Variants in CABIN1 observed in about 807,000 individuals in gnomAD.
CABIN1 encodes calcineurin-binding protein cabin-1.
In CABIN1, 133 loss-of-function variants were observed where a neutral mutation model predicts 227.7. The observed-to-expected ratio is 0.58, with a 90% CI of 0.51 to 0.67. The LOEUF (loss-of-function observed/expected upper bound fraction) is 0.67, where lower values mean the gene tolerates loss of function less well. CABIN1 is among the 30% of genes least tolerant of loss of function. CABIN1 has a pLI of 0.00. For synonymous variants in CABIN1, 1,086 were observed against 1,155.1 expected (o/e 0.94, Z 1.21); for missense variants, 2,408 against 2,852.5 (o/e 0.84, Z 3.55).
rs1398696136 is a variant in CABIN1 at position 24,164,365 on chromosome 22, A to G, written c.4747-35A>G. On this transcript the variant is annotated intron_variant, in intron 29 of 36. Coordinates refer to ENST00000263119, the MANE Select transcript of CABIN1 (RefSeq NM_012295.4). The stretch of plus-strand genomic sequence containing the variant: ...TGTCCCCGAGGCTCCTGCCACAACC[A>G]CCCCCCTCACACACCTGTGCCATCC... 4.4e-6 allele frequency: 7 copies of G among 1,598,744 alleles called. No individual in the cohort carries two copies. The Admixed American group carries it at 5.0e-5, about 11-fold the overall frequency.
chr22:24,071,031 A>T lies in CABIN1; in HGVS notation c.2464A>T (p.Asn822Tyr), dbSNP rs2040048907. The T allele has an allele frequency of 6.2e-7, 1 of 1,614,076 alleles. No individual in the cohort carries two copies. Among genetic ancestry groups the T allele is most frequent in the Non-Finnish European group, 8.5e-7 (1 of 1,180,042 alleles). ...CACTGGCCTTGTGCGGCTCACCAAC[A>T]ACCTCATCCAGGTAACCCCTGGCTC... ...STTGLVRLTN[N>Y]LIQVIDCSMA... The change falls in exon 17 of 37, where the codon AAC becomes TAC. Residue 822 changes from asparagine (N) to tyrosine (Y), a missense_variant. By Grantham distance (143) the Asn-to-Tyr change is moderately radical. This residue lies in a region of CABIN1 where 1,045 missense variants were observed against 1,168.4 expected (regional missense o/e 0.89). Transcript: ENST00000263119.
In CABIN1 at chr22:24,067,195, G is replaced by T. The variant is rs200467149; in HGVS notation, c.2232+14G>T. 6.2e-7 allele frequency: 1 copy of T among 1,613,942 alleles called. No individual in the cohort carries two copies. The highest frequency in any genetic ancestry group is 8.5e-7 in the Non-Finnish European group (1 of 1,179,784). On this transcript the variant is annotated intron_variant, in intron 16 of 36. Coordinates refer to ENST00000263119, the MANE Select transcript of CABIN1 (RefSeq NM_012295.4). ...CTTCTTCTGCAGGTGTGTGCTGCCAGTGTCCCTCACACCCACTTGCACCTT... is the reference window on the plus strand; with the variant it reads ...CTTCTTCTGCAGGTGTGTGCTGCCATTGTCCCTCACACCCACTTGCACCTT...
intron 24 of CABIN1, among the ~76,000 whole-genome samples, chr22:24,092,785 T>C (rs905556048): frequency 6.6e-6 from 1 of 151,532 alleles, no homozygotes; most frequent in African/African-American, 2.4e-5. Context: ...CCCTAGTGAT[T>C]CCAGTATGCC....
intron 29 of CABIN1, among the ~76,000 whole-genome samples, chr22:24,159,523 A>G (rs1327672442): frequency 1.3e-5 from 2 of 152,158 alleles, no homozygotes; most frequent in Non-Finnish European, 2.9e-5. Context: ...CTGGCACCTC[A>G]TGGCCTGTTC....
chr22:24,067,730 T>C (rs1327866049), intron 16 of CABIN1, among the ~76,000 whole-genome samples: 1 of 152,206 alleles, frequency 6.6e-6, no homozygotes, highest in African/African-American at 2.4e-5. Context: ...TGGGCAGTTA[T>C]TCAACCTCTC....
intron 33 of CABIN1, among the ~76,000 whole-genome samples, chr22:24,170,966 T>G (rs577159255): frequency 1.3e-5 from 2 of 152,108 alleles, no homozygotes; most frequent in Non-Finnish European, 2.9e-5. Flanking sequence ...CCTCAAGACA[T>G]GCTGTCAGGG....
chr22:24,017,460 CTG>C (rs2146472327), intron 1 of CABIN1, among the ~76,000 whole-genome samples: 1 of 152,344 alleles, frequency 6.6e-6, no homozygotes, highest in Admixed American at 6.5e-5. Context: ...AACTGAAACT[CTG>C]TATCCATTAA....
chr22:24,130,271 C>T (rs1157399972), intron 28 of CABIN1, among the ~76,000 whole-genome samples: 2 of 152,208 alleles, frequency 1.3e-5, no homozygotes, highest in Admixed American at 1.3e-4. Context: ...ATGGCTGGCT[C>T]AGTGTTCAGC....
intron 15 of CABIN1, among the ~76,000 whole-genome samples, chr22:24,065,739 C>T (rs895163088): frequency 9.9e-5 from 15 of 152,246 alleles, no homozygotes; most frequent in African/African-American, 2.4e-4. Flanking sequence ...AACGAGACTC[C>T]GTCTGCAATC....
At chr22:24,059,800 A>T (rs1052761892) in intron 11 of CABIN1, 124 bp from the exon 12 acceptor site, 1 of 861,798 alleles carries the variant, frequency 1.2e-6, no homozygotes, top group South Asian at 1.4e-5. Flanking sequence ...ACAACGTGGT[A>T]TCATGTCCAC....
At chr22:24,087,876 A>G (rs1215009168) in intron 23 of CABIN1, among the ~76,000 whole-genome samples, 163 bp downstream of exon 23, 1 of 152,176 alleles carries the variant, frequency 6.6e-6, no homozygotes, top group Non-Finnish European at 1.5e-5. Context: ...TACCATGGTC[A>G]GTGACAACTT....
At chr22:24,133,357 C>G (rs757709646) in intron 28 of CABIN1, among the ~76,000 whole-genome samples, 6 of 152,236 alleles carry the variant, frequency 3.9e-5, no homozygotes, top group Non-Finnish European at 5.9e-5. Context: ...TATGCTCAGC[C>G]TGGCCAGCAG....
intron 15 of CABIN1, 32 bp downstream of exon 15, chr22:24,064,219 TC>T: frequency 6.2e-7 from 1 of 1,612,456 alleles, no homozygotes; most frequent in Non-Finnish European, 8.5e-7. Flanking sequence ...TTTGTTTGTT[TC>T]CTGAGATGGA....
chr22:24,128,809 A>G (rs532958139), intron 28 of CABIN1, among the ~76,000 whole-genome samples: 1 of 152,318 alleles, frequency 6.6e-6, no homozygotes, highest in Admixed American at 6.5e-5. Flanking sequence ...GTGGAGCCCT[A>G]CTGGTCTTGC....
intron 29 of CABIN1, chr22:24,155,706 G>A: frequency 3.6e-6 from 1 of 279,102 alleles, no homozygotes; most frequent in East Asian, 6.5e-5. Flanking sequence ...ATTCACATAG[G>A]CACCGCCTGC....
At chr22:24,103,537 A>G (rs1355924357) in intron 26 of CABIN1, among the ~76,000 whole-genome samples, 1 of 151,650 alleles carries the variant, frequency 6.6e-6, no homozygotes, top group Admixed American at 6.6e-5. Flanking sequence ...CTGCTCAGTG[A>G]CCTCCCCTCC....
intron 29 of CABIN1, among the ~76,000 whole-genome samples, chr22:24,153,340 T>C (rs942132883): frequency 1.3e-5 from 2 of 152,182 alleles, no homozygotes; most frequent in Admixed American, 1.3e-4. Context: ...TAAGCAGTTC[T>C]CTCTCTGGGG....
At chr22:24,042,349 G>T (rs1250530970) in intron 5 of CABIN1, among the ~76,000 whole-genome samples, 1 of 152,194 alleles carries the variant, frequency 6.6e-6, no homozygotes, top group Non-Finnish European at 1.5e-5. Context: ...GGGAAACTGA[G>T]GCAGGAGGAT....
chr22:24,049,321 C>A (rs2147267111), intron 7 of CABIN1, 101 bp downstream of exon 7: 3 of 1,429,572 alleles, frequency 2.1e-6, no homozygotes, highest in South Asian at 1.2e-5. Flanking sequence ...ATGGATGGAG[C>A]CCCTGTGCTC....
Sources: allele counts gnomAD v4.1 joint callset (sites outside exome capture counted in the v4.1 genomes callset), GRCh38; gene constraint gnomAD v4.1.1; regional missense constraint gnomAD v4.1.1; transcripts MANE v1.5; gene names NCBI Gene and HGNC (gene_info 2026-07-23, HGNC 2026-07-21).